Variants in LARGE1 observed in about 807,000 individuals in gnomAD.
LARGE1 encodes xylosyl- and glucuronyltransferase LARGE1.
A neutral mutation model predicts 87.6 loss-of-function variants in LARGE1; 43 were observed. That is an observed-to-expected ratio of 0.49 (90% CI 0.38 to 0.63). The LOEUF is 0.63. Among genes scored for constraint, LARGE1 ranks in the 30% least tolerant of loss-of-function variants. The pLI is 0.00. For missense variants in LARGE1, 802 were observed against 1,000.2 expected (o/e 0.80, Z 2.67); for synonymous variants, 434 against 394.6 (o/e 1.10, Z -1.18).
chr22:33,586,924 A>G (rs765313847), intron 5 of LARGE1, among the ~76,000 whole-genome samples: 8 of 152,234 alleles, frequency 5.3e-5, no homozygotes, highest in East Asian at 1.9e-4. Flanking sequence ...ACTAGAATAC[A>G]TGTACCCAGA....
chr22:33,320,003 G>C (rs532762812), intron 10 of LARGE1, among the ~76,000 whole-genome samples: 36 of 152,168 alleles, frequency 2.4e-4, no homozygotes, highest in Non-Finnish European at 4.9e-4. Context: ...TGCAATTAGG[G>C]ATATTCAGCT....
chr22:33,298,386 T>C (rs542425198), intron 12 of LARGE1, among the ~76,000 whole-genome samples: 1 of 152,368 alleles, frequency 6.6e-6, no homozygotes, highest in South Asian at 2.1e-4. Flanking sequence ...TCCTGGGTGC[T>C]CTGCAAATAC....
In LARGE1 at chr22:33,277,262, CA is replaced by C. The variant is rs1156561995; in HGVS notation, c.1878-8del. 2 of 1,613,932 alleles carry C rather than the reference CA, an allele frequency of 1.2e-6. No individual in the cohort carries two copies. The highest frequency in any genetic ancestry group is 1.7e-6 in the Non-Finnish European group (2 of 1,179,892). On this transcript the variant is annotated splice_region_variant and splice_polypyrimidine_tract_variant and intron_variant, in intron 13 of 14. Coordinates refer to ENST00000397394, the MANE Select transcript of LARGE1 (RefSeq NM_133642.5). The stretch of plus-strand genomic sequence containing the variant: ...TTTCGTCCAGACGTGGTACCTGAGA[CA>C]CACGGAGAAAAGCCATTGGGTGTAG...
At chr22:33,586,224 A>T (rs1440985424) in intron 5 of LARGE1, among the ~76,000 whole-genome samples, 1 of 152,060 alleles carries the variant, frequency 6.6e-6, no homozygotes, top group Non-Finnish European at 1.5e-5. Flanking sequence ...CCCAAAAGAC[A>T]CCTCCAAAAT....
At chr22:33,659,933 C>T (rs988291236) in intron 2 of LARGE1, among the ~76,000 whole-genome samples, 1 of 152,012 alleles carries the variant, frequency 6.6e-6, no homozygotes, top group Non-Finnish European at 1.5e-5. Context: ...AAAATGAAGA[C>T]ATTTTTAGCA....
intron 1 of LARGE1, among the ~76,000 whole-genome samples, chr22:33,833,088 T>C (rs999676384): frequency 6.6e-6 from 1 of 152,184 alleles, no homozygotes; most frequent in African/African-American, 2.4e-5. Context: ...CCAAGAGCAC[T>C]GTGCTCACCA....
chr22:33,688,641 G>A (rs946740107), intron 2 of LARGE1, among the ~76,000 whole-genome samples: 8 of 152,028 alleles, frequency 5.3e-5, no homozygotes, highest in African/African-American at 1.7e-4. Flanking sequence ...GTGAGCCACC[G>A]CACCCGGCCC....
intron 9 of LARGE1, among the ~76,000 whole-genome samples, chr22:33,358,920 C>G (rs531775525): frequency 6.6e-6 from 1 of 151,788 alleles, no homozygotes; most frequent in Admixed American, 6.6e-5. Context: ...ATGGTGTGAA[C>G]CCGGGAGGTG....
intron 1 of LARGE1, among the ~76,000 whole-genome samples, chr22:33,776,438 C>G (rs961725160): frequency 2.6e-5 from 4 of 152,276 alleles, no homozygotes; most frequent in Middle Eastern, 3.4e-3. Flanking sequence ...GTCTTTAACG[C>G]AAATTTATCT....
At chr22:33,590,984 C>T (rs902021865) in intron 5 of LARGE1, among the ~76,000 whole-genome samples, 6 of 152,128 alleles carry the variant, frequency 3.9e-5, no homozygotes, top group Admixed American at 6.6e-5. Context: ...GGGTGGATCA[C>T]GAGGTCAGGA....
At chr22:33,355,417 CTGGGT>C (rs1940797130) in intron 9 of LARGE1, among the ~76,000 whole-genome samples, 2 of 152,220 alleles carry the variant, frequency 1.3e-5, no homozygotes, top group African/African-American at 4.8e-5. Context: ...GCACTCAATA[CTGGGT>C]AGCTTGCTAG....
At chr22:33,821,977 C>A (rs1281303863) in intron 1 of LARGE1, among the ~76,000 whole-genome samples, 1 of 136,368 alleles carries the variant, frequency 7.3e-6, no homozygotes. Context: ...TTTTAAAGAG[C>A]TGTTTCTATT....
intron 7 of LARGE1, among the ~76,000 whole-genome samples, chr22:33,427,916 T>C (rs971261207): frequency 1.2e-4 from 18 of 152,382 alleles, no homozygotes; most frequent in Middle Eastern, 3.4e-3. Flanking sequence ...ACATCTCATA[T>C]GCTTTTCTGG....
At chr22:33,486,185 A>G (rs999457523) in intron 6 of LARGE1, among the ~76,000 whole-genome samples, 4 of 152,178 alleles carry the variant, frequency 2.6e-5, no homozygotes, top group African/African-American at 9.7e-5. Context: ...GCCCACTCTG[A>G]GCCTCAGTTT....
At chr22:33,719,504 T>TTTA (rs2083017390) in intron 2 of LARGE1, among the ~76,000 whole-genome samples, 1 of 144,682 alleles carries the variant, frequency 6.9e-6, no homozygotes, top group Non-Finnish European at 1.5e-5. Flanking sequence ...ACCATATTTA[T>TTTA]TTATTTATTT....
rs146575376 is a variant in LARGE1 at position 33,672,301 on chromosome 22, C to A, written c.107-21633G>T. ...CCTCCCTCAGAAAAACCGAAAATTG[C>A]AGCAAGAAAAGCTATCCCATCTATT... On this transcript the variant is annotated intron_variant, in intron 2 of 14. Coordinates refer to ENST00000397394, the MANE Select transcript of LARGE1 (RefSeq NM_133642.5). 3.3e-3 allele frequency among the ~76,000 whole-genome samples: 502 copies of A among 152,302 alleles called. 2 individuals carry two copies. Among genetic ancestry groups the A allele is most frequent in the African/African-American group, 0.011 (457 of 41,564 alleles).
intron 6 of LARGE1, among the ~76,000 whole-genome samples, chr22:33,491,174 T>C (rs746327046): frequency 2.0e-5 from 3 of 152,194 alleles, no homozygotes; most frequent in Non-Finnish European, 4.4e-5. Flanking sequence ...ACACAGTATA[T>C]GGAATTGTTA....
At chr22:33,363,439 A>C (rs1358936081) in intron 9 of LARGE1, among the ~76,000 whole-genome samples, 1 of 149,488 alleles carries the variant, frequency 6.7e-6, no homozygotes, top group East Asian at 1.9e-4. Flanking sequence ...ACCCCTTATA[A>C]AACCATCAGA....
intron 6 of LARGE1, among the ~76,000 whole-genome samples, chr22:33,453,055 G>C (rs148528997): frequency 6.6e-6 from 1 of 152,298 alleles, no homozygotes; most frequent in Non-Finnish European, 1.5e-5. Flanking sequence ...AAACTGAATA[G>C]ACAGAGACAA....
Sources: gnomAD v4.1 joint callset for allele counts (sites outside exome capture counted in the v4.1 genomes callset) on GRCh38, gnomAD v4.1.1 for gene constraint, MANE v1.5 for transcripts, NCBI Gene and HGNC (gene_info 2026-07-23, HGNC 2026-07-21) for gene names.